The following SKAP2 variants were observed in gnomAD, a reference collection of about 807,000 sequenced individuals.
SKAP2 encodes src kinase associated phosphoprotein 2.
A neutral mutation model predicts 54.9 loss-of-function variants in SKAP2; 28 were observed. The ratio of observed to expected loss-of-function variants is 0.51; its 90% CI spans 0.38 to 0.70. The LOEUF (loss-of-function observed/expected upper bound fraction) is 0.70, where lower values mean the gene tolerates loss of function less well. Among genes scored for constraint, SKAP2 ranks in the 30% least tolerant of loss-of-function variants. SKAP2 has a pLI of 0.00. For missense variants in SKAP2, 356 were observed against 424.1 expected, an observed-to-expected ratio of 0.84 and a Z score of 1.41; for synonymous variants, 137 against 134.3, an observed-to-expected ratio of 1.02 and a Z score of -0.14.
At chr7:26,740,850 A>T (rs1199318797) in intron 4 of SKAP2, among the ~76,000 whole-genome samples, 1 of 152,012 alleles carries the variant, frequency 6.6e-6, no homozygotes, top group Non-Finnish European at 1.5e-5. Flanking sequence ...TTAGCCAGGC[A>T]TGGTGGCGGG....
intron 4 of SKAP2, among the ~76,000 whole-genome samples, chr7:26,765,871 G>A (rs1783040504): frequency 6.6e-6 from 1 of 152,122 alleles, no homozygotes; most frequent in Non-Finnish European, 1.5e-5. Context: ...GGTTACCATA[G>A]CCTTGTAGTA....
intron 6 of SKAP2, among the ~76,000 whole-genome samples, chr7:26,731,000 A>G (rs1055247263): frequency 3.3e-5 from 5 of 152,192 alleles, no homozygotes; most frequent in African/African-American, 1.2e-4. Context: ...CCCAGCACTG[A>G]TGGGAAAACA....
At position 26,864,555 on chromosome 7, in the gene SKAP2, G is replaced by A; in HGVS notation, c.-126C>T. Reference sequence around the variant, plus strand: ...TTAAGAACAGCGGGGCTACGAGTCGGGACACTGCCGGGCCGGGGCTCACAA... The same window carrying A: ...TTAAGAACAGCGGGGCTACGAGTCGAGACACTGCCGGGCCGGGGCTCACAA... On this transcript the variant is annotated 5_prime_UTR_variant, in exon 1 of 13. Transcript: ENST00000345317. 1 of 1,438,372 alleles carries A rather than the reference G, an allele frequency of 7.0e-7. No homozygotes were observed. Among genetic ancestry groups the A allele is most frequent in the South Asian group, 1.4e-5 (1 of 69,402 alleles). 89.1% of individuals were successfully genotyped at this position (1,438,372 alleles called of 1,614,324 possible).
chr7:26,814,380 C>A (rs1045456961), intron 4 of SKAP2, among the ~76,000 whole-genome samples: 1 of 152,100 alleles, frequency 6.6e-6, no homozygotes, highest in African/African-American at 2.4e-5. Flanking sequence ...GAGATATTTA[C>A]TGCTCCTCTT....
chr7:26,824,039 A>G (rs985198465), intron 4 of SKAP2, among the ~76,000 whole-genome samples: 1 of 152,194 alleles, frequency 6.6e-6, no homozygotes, highest in Admixed American at 6.5e-5. Flanking sequence ...AAATTCTACC[A>G]TGGGTAAAAT....
intron 3 of SKAP2, among the ~76,000 whole-genome samples, chr7:26,852,160 A>G (rs1785058114): frequency 6.6e-6 from 1 of 152,172 alleles, no homozygotes; most frequent in South Asian, 2.1e-4. Context: ...ATAATCCAAA[A>G]CCTCAAAGGG....
At chr7:26,858,895 G>C (rs889649360) in intron 1 of SKAP2, among the ~76,000 whole-genome samples, 6 of 152,092 alleles carry the variant, frequency 3.9e-5, no homozygotes, top group African/African-American at 1.2e-4. Context: ...AAACAGCCTA[G>C]AATAGGGCTT....
At chr7:26,814,662 T>C (rs942721859) in intron 4 of SKAP2, among the ~76,000 whole-genome samples, 1 of 151,662 alleles carries the variant, frequency 6.6e-6, no homozygotes, top group African/African-American at 2.4e-5. Flanking sequence ...TCTAATTAAA[T>C]ATTTAAACTC....
At chr7:26,755,885 T>A (rs1337071417) in intron 4 of SKAP2, among the ~76,000 whole-genome samples, 1 of 152,202 alleles carries the variant, frequency 6.6e-6, no homozygotes, top group African/African-American at 2.4e-5. Flanking sequence ...GCTTTGTGGA[T>A]GAAAATTTGA....
chr7:26,733,425 A>G (rs980600125), intron 6 of SKAP2, among the ~76,000 whole-genome samples: 2 of 152,080 alleles, frequency 1.3e-5, no homozygotes, highest in African/African-American at 4.8e-5. Context: ...ATCAGAAGAA[A>G]AAAGGTAAGC....
chr7:26,789,030 T>C (rs1022851635), intron 4 of SKAP2, among the ~76,000 whole-genome samples: 2 of 152,178 alleles, frequency 1.3e-5, no homozygotes, highest in Non-Finnish European at 2.9e-5. Context: ...AAATACAGTA[T>C]GAACCATTAG....
At chr7:26,829,324 G>A (rs1360378342) in intron 4 of SKAP2, among the ~76,000 whole-genome samples, 5 of 152,126 alleles carry the variant, frequency 3.3e-5, no homozygotes, top group Non-Finnish European at 7.3e-5. Context: ...CTTGAGCCCA[G>A]GAGTTCAAGA....
intron 6 of SKAP2, among the ~76,000 whole-genome samples, chr7:26,728,205 T>A (rs528181350): frequency 6.6e-6 from 1 of 152,134 alleles, no homozygotes; most frequent in Admixed American, 6.6e-5. Flanking sequence ...AAACTCTATG[T>A]TTTTCACAAA....
At chr7:26,767,083 G>A (rs1210663742) in intron 4 of SKAP2, among the ~76,000 whole-genome samples, 2 of 152,170 alleles carry the variant, frequency 1.3e-5, no homozygotes, top group Non-Finnish European at 2.9e-5. Context: ...ATTCGCCTGT[G>A]AATCCATTTG....
chr7:26,748,850 C>T (rs1229613479), intron 4 of SKAP2, among the ~76,000 whole-genome samples: 3 of 152,058 alleles, frequency 2.0e-5, no homozygotes, highest in Non-Finnish European at 4.4e-5. Context: ...TTTAGAATCA[C>T]GTTCAAAACC....
intron 4 of SKAP2, among the ~76,000 whole-genome samples, chr7:26,753,304 T>C (rs913919559): frequency 2.0e-5 from 3 of 152,194 alleles, no homozygotes; most frequent in African/African-American, 7.2e-5. Flanking sequence ...TTCTGAAATT[T>C]GAGTGCACAT....
chr7:26,813,329 A>G (rs1388855372), intron 4 of SKAP2, among the ~76,000 whole-genome samples: 1 of 152,140 alleles, frequency 6.6e-6, no homozygotes, highest in African/African-American at 2.4e-5. Flanking sequence ...GGGTTTCCAT[A>G]CTGATTTACA....
rs1377319365 is a variant in SKAP2 at position 26,729,457 on chromosome 7, A to G, written c.470-2451T>C. ...CCAACTGCTTTGCATATTTTATAAA[A>G]GTAAACAGATTCTGAAAGAGATGAA... is the stretch of plus-strand genomic sequence containing the variant. On this transcript the variant is annotated intron_variant, in intron 6 of 12. Coordinates refer to ENST00000345317, the MANE Select transcript of SKAP2 (RefSeq NM_003930.5). 2.6e-5 allele frequency among the ~76,000 whole-genome samples: 4 copies of G among 152,300 alleles called. No homozygotes were observed. In the East Asian group the frequency reaches 7.7e-4, roughly 29 times the overall value.
chr7:26,862,846 A>G (rs1785297496), intron 1 of SKAP2, among the ~76,000 whole-genome samples: 2 of 152,166 alleles, frequency 1.3e-5, no homozygotes, highest in South Asian at 4.1e-4. Context: ...ATTCAAAAAT[A>G]CAGACATAGA....
Sources: gnomAD v4.1 joint callset for allele counts (sites outside exome capture counted in the v4.1 genomes callset) on GRCh38, gnomAD v4.1.1 for gene constraint, MANE v1.5 for transcripts, NCBI Gene and HGNC (gene_info 2026-07-23, HGNC 2026-07-21) for gene names.